The following GRID1 variants were observed in gnomAD, a reference collection of about 807,000 sequenced individuals.
GRID1 encodes glutamate ionotropic receptor delta type subunit 1.
Under a neutral mutation model 98.0 loss-of-function variants are expected in GRID1, and 28 were observed. The observed-to-expected ratio is 0.29, with a 90% confidence interval of 0.21 to 0.39. The LOEUF (loss-of-function observed/expected upper bound fraction) is 0.39. GRID1 is among the 10% of genes least tolerant of loss of function. The pLI, the probability that GRID1 is intolerant of heterozygous loss-of-function variation, is 1.00. For missense variants in GRID1, 1,111 were observed against 1,340.5 expected (o/e 0.83, Z 2.67); for synonymous variants, 553 against 538.5 (o/e 1.03, Z -0.37).
At chr10:85,866,623 C>T (rs551404048) in intron 6 of GRID1, among the ~76,000 whole-genome samples, 2 of 152,206 alleles carry the variant, frequency 1.3e-5, no homozygotes, top group East Asian at 3.9e-4. Flanking sequence ...ATTAGAGATA[C>T]TCAACTGTAC....
intron 8 of GRID1, among the ~76,000 whole-genome samples, chr10:85,748,666 GA>G (rs1842018781): frequency 6.6e-6 from 1 of 152,122 alleles, no homozygotes; most frequent in Middle Eastern, 3.4e-3. Context: ...AGGTCCTCGT[GA>G]ATTTCAATCT....
At chr10:86,152,340 G>A (rs1845180821) in intron 3 of GRID1, among the ~76,000 whole-genome samples, 1 of 152,206 alleles carries the variant, frequency 6.6e-6, no homozygotes, top group Non-Finnish European at 1.5e-5. Flanking sequence ...TGGGCAGGAG[G>A]GATGCCAGAA....
intron 13 of GRID1, chr10:85,644,106 C>G (rs1843157268): frequency 3.9e-5 from 6 of 152,136 alleles, no homozygotes; most frequent in Non-Finnish European, 8.8e-5. Flanking sequence ...ATGTCGCCTG[C>G]AAAGAGGGAA....
rs549631194 is a variant in GRID1, at chr10:85,620,242, C to T, written c.2194-209G>A. On this transcript the variant is annotated intron_variant, in intron 13 of 15. Coordinates refer to ENST00000327946, the MANE Select transcript of GRID1 (RefSeq NM_017551.3). Reference sequence around the variant, plus strand: ...TCACTTTGACTAGACATAAAAGGTGCGCAGGCCAGCCACAAAACATCTCAT... The same window carrying T: ...TCACTTTGACTAGACATAAAAGGTGTGCAGGCCAGCCACAAAACATCTCAT... Among the ~76,000 whole-genome samples, 11 of 152,232 alleles carry T rather than the reference C, an allele frequency of 7.2e-5. No individual in the cohort carries two copies. The East Asian group carries it at 7.7e-4, about 11-fold the overall frequency.
intron 8 of GRID1, among the ~76,000 whole-genome samples, chr10:85,795,729 T>C (rs980166331): frequency 1.3e-5 from 2 of 152,194 alleles, no homozygotes; most frequent in African/African-American, 2.4e-5. Context: ...AAAGCACATT[T>C]GGCCAAGACA....
At chr10:86,223,508 T>A (rs1398563550) in intron 2 of GRID1, among the ~76,000 whole-genome samples, 4 of 152,206 alleles carry the variant, frequency 2.6e-5, no homozygotes, top group African/African-American at 9.6e-5. Flanking sequence ...GGCATTCCCA[T>A]GATGGTGCAG....
intron 2 of GRID1, among the ~76,000 whole-genome samples, chr10:86,231,450 T>A (rs917260971): frequency 2.6e-5 from 4 of 152,112 alleles, no homozygotes; most frequent in African/African-American, 4.8e-5. Context: ...GTAACCCTAT[T>A]CCAGACCCCC....
chr10:85,640,407 C>G (rs2132545244), intron 13 of GRID1, among the ~76,000 whole-genome samples: 1 of 152,320 alleles, frequency 6.6e-6, no homozygotes, highest in East Asian at 1.9e-4. Context: ...TTGCTTTGCA[C>G]TACACAGGGC....
intron 8 of GRID1, among the ~76,000 whole-genome samples, chr10:85,776,738 AG>A (rs768933325): frequency 7.2e-5 from 11 of 152,314 alleles, no homozygotes; most frequent in Non-Finnish European, 1.3e-4. Context: ...AACGCAGAGG[AG>A]GTTGGCCTGC....
intron 5 of GRID1, among the ~76,000 whole-genome samples, chr10:85,870,453 C>A (rs1843267432): frequency 6.6e-6 from 1 of 152,194 alleles, no homozygotes; most frequent in Non-Finnish European, 1.5e-5. Context: ...ACCTTGTGAT[C>A]GTGTGAGCCA....
chr10:85,815,790 A>G (rs1441477560), intron 8 of GRID1, among the ~76,000 whole-genome samples: 1 of 152,024 alleles, frequency 6.6e-6, no homozygotes, highest in African/African-American at 2.4e-5. Flanking sequence ...GGCAAGTCAG[A>G]GATGGGGAAA....
chr10:86,028,389 C>T (rs1400335247), intron 4 of GRID1, among the ~76,000 whole-genome samples: 2 of 152,176 alleles, frequency 1.3e-5, no homozygotes, highest in African/African-American at 2.4e-5. Context: ...GGATTAGAAG[C>T]CAGGGTCACT....
At chr10:85,975,795 G>A (rs1419161099) in intron 4 of GRID1, among the ~76,000 whole-genome samples, 1 of 152,156 alleles carries the variant, frequency 6.6e-6, no homozygotes, top group Non-Finnish European at 1.5e-5. Context: ...CTCTCTCAGA[G>A]GCCACCTTTC....
chr10:85,649,386 G>A (rs1273412555), intron 12 of GRID1, among the ~76,000 whole-genome samples: 3 of 152,082 alleles, frequency 2.0e-5, no homozygotes, highest in African/African-American at 7.2e-5. Flanking sequence ...TCTAATTATT[G>A]TTCATTATTT....
At chr10:86,132,758 C>T (rs976768884) in intron 4 of GRID1, among the ~76,000 whole-genome samples, 1 of 152,214 alleles carries the variant, frequency 6.6e-6, no homozygotes, top group African/African-American at 2.4e-5. Flanking sequence ...ATTGCGGGAG[C>T]TTCACTCACT....
rs58382677 is a variant in GRID1, at chr10:85,916,366, C to T, written c.727-127G>A. ...ATATTTTCCTCACAAAACATGCCAT[C>T]CCCCTGGGGCCTGCTCTGGCTGCCT... On this transcript the variant is annotated intron_variant, in intron 4 of 15. Coordinates refer to ENST00000327946, the MANE Select transcript of GRID1 (RefSeq NM_017551.3). The surrounding 1 kb of genome is among the most constrained non-coding windows in gnomAD (Gnocchi z 4.0). 5.2e-3 allele frequency: 3,984 copies of T among 759,404 alleles called. 99 individuals are homozygous for T. The African/African-American group carries it at 0.058, about 11-fold the overall frequency. 47.0% of individuals were successfully genotyped at this position (759,404 alleles called of 1,614,324 possible). A position where few individuals can be genotyped will look rare whatever the true frequency, so the allele number is the denominator to read the frequency against.
intron 3 of GRID1, among the ~76,000 whole-genome samples, chr10:86,201,506 C>A (rs1196522715): frequency 6.6e-6 from 1 of 152,004 alleles, no homozygotes. Context: ...CAGAGGGCAA[C>A]AACACACACT....
At chr10:85,934,263 G>A (rs142460400) in intron 4 of GRID1, among the ~76,000 whole-genome samples, 71 of 152,234 alleles carry the variant, frequency 4.7e-4, no homozygotes, top group Middle Eastern at 3.4e-3. Flanking sequence ...GGAAGAAGTA[G>A]GTCATTGAAA....
At chr10:86,316,156 C>T (rs972605663) in intron 2 of GRID1, among the ~76,000 whole-genome samples, 31 of 152,334 alleles carry the variant, frequency 2.0e-4, no homozygotes, top group African/African-American at 7.5e-4. Flanking sequence ...CACTGGGGAC[C>T]TCCACTCGAC....
Sources: allele counts gnomAD v4.1 joint callset (sites outside exome capture counted in the v4.1 genomes callset), GRCh38; gene constraint gnomAD v4.1.1; non-coding constraint Gnocchi (gnomAD v3.1); transcripts MANE v1.5; gene names NCBI Gene and HGNC (gene_info 2026-07-23, HGNC 2026-07-21).